LECT2: variants seen among roughly 807,000 people sequenced by gnomAD.
LECT2 encodes the protein leukocyte cell-derived chemotaxin-2.
In LECT2, 11 loss-of-function variants were observed where a neutral mutation model predicts 16.6. The ratio of observed to expected loss-of-function variants is 0.66; its 90% confidence interval spans 0.42 to 1.09. The LOEUF (loss-of-function observed/expected upper bound fraction) is 1.09, where lower values mean the gene tolerates loss of function less well. LECT2 is among the 50% of genes least tolerant of loss of function. The pLI is 0.00. For missense variants in LECT2, 173 were observed against 184.2 expected, an observed-to-expected ratio of 0.94 and a Z score of 0.35; for synonymous variants, 54 against 64.8, an observed-to-expected ratio of 0.83 and a Z score of 0.80.
chr5:135,954,296 C>T (rs1434363414), intron 1 of LECT2, among the ~76,000 whole-genome samples: 1 of 152,186 alleles, frequency 6.6e-6, no homozygotes, highest in Admixed American at 6.5e-5. Context: ...AAGATATAAT[C>T]CCATCACTTT....
At chr5:135,953,705 A>C (rs1056683984) in intron 1 of LECT2, among the ~76,000 whole-genome samples, 1 of 152,238 alleles carries the variant, frequency 6.6e-6, no homozygotes, top group Non-Finnish European at 1.5e-5. Flanking sequence ...TAGTTCCACT[A>C]ATCAAATCCA....
chr5:135,948,720 G>C (rs2126875508), intron 3 of LECT2, among the ~76,000 whole-genome samples: 1 of 150,466 alleles, frequency 6.6e-6, no homozygotes, highest in South Asian at 2.1e-4. Context: ...TGTCACCCAG[G>C]CTGGAGTGCA....
Position 135,954,776 on chromosome 5 carries a change from C to G in LECT2, c.46+12G>C. ...AGTTAATCAATATTCTAAAATTGCA[C>G]TTTCGACTTACCGGTAGAAATCAGA... On this transcript the variant is annotated intron_variant, in intron 1 of 3. Transcript: ENST00000274507. 1 of 1,606,612 alleles carries G rather than the reference C, an allele frequency of 6.2e-7. No individual in the cohort carries two copies.
rs538413153 is a variant in LECT2 at position 135,947,581 on chromosome 5, T to TA, written c.290-85dup. On this transcript the variant is annotated intron_variant, in intron 3 of 3. Coordinates refer to ENST00000274507, the MANE Select transcript of LECT2 (RefSeq NM_002302.3). ...AAAAAAATAACAAATGGACAAAAAA[T>TA]AAAAAAAAGAATGTTGAATGAACTC... 2.1e-3 allele frequency: 2,817 copies of TA among 1,334,870 alleles called. 4 individuals are homozygous for TA. The highest frequency in any genetic ancestry group is 2.3e-3 in the Non-Finnish European group (2,355 of 1,013,116). 82.7% of individuals were successfully genotyped at this position (1,334,870 alleles called of 1,614,324 possible).
At chr5:135,947,560 A>G (rs1763722779) in intron 3 of LECT2, 63 bp from the exon 4 acceptor site, 4 of 1,419,152 alleles carry the variant, frequency 2.8e-6, no homozygotes, top group African/African-American at 2.9e-5. Flanking sequence ...GAAATTAAAA[A>G]AATAACAAAT....
rs769780290 is a variant in LECT2, at chr5:135,947,500, A to G, written c.290-3T>C. On this transcript the variant is annotated splice_region_variant and splice_polypyrimidine_tract_variant and intron_variant, in intron 3 of 3. Transcript: ENST00000274507. ...GTAGAACATTTTGACACAAAAACCT[A>G]AAAGAAAATAAGTATAATTATTTAT... 5.6e-6 allele frequency: 9 copies of G among 1,596,276 alleles called. No homozygotes were observed. In the Admixed American group the frequency reaches 1.4e-4, roughly 24 times the overall value.
intron 3 of LECT2, 22 bp downstream of exon 3, chr5:135,951,201 G>C (rs1404934848): frequency 1.2e-6 from 2 of 1,613,024 alleles, no homozygotes; most frequent in African/African-American, 2.7e-5. Context: ...GGCACCCCAG[G>C]TGTAGACTCC....
At chr5:135,949,108 A>G (rs1763749350) in intron 3 of LECT2, among the ~76,000 whole-genome samples, 2 of 152,248 alleles carry the variant, frequency 1.3e-5, no homozygotes, top group Non-Finnish European at 2.9e-5. Context: ...TCTACACTGA[A>G]AACTACAACA....
rs537262259 is a variant in LECT2 at position 135,948,697 on chromosome 5, C to T, written c.290-1200G>A. Among the ~76,000 whole-genome samples, 87 of 138,322 alleles carry T rather than the reference C, an allele frequency of 6.3e-4. No individual in the cohort carries two copies. In the South Asian group the frequency reaches 0.01, roughly 16 times the overall value. 90.7% of individuals were successfully genotyped at this position (138,322 alleles called of 152,430 possible). A position where few individuals can be genotyped will look rare whatever the true frequency, so the allele number is the denominator to read the frequency against. ...AATTATTATTATTATTTTTTTGAGA[C>T]GGAGTCTTGCTGTGTCACCCAGGCT... On this transcript the variant is annotated intron_variant, in intron 3 of 3. Transcript: ENST00000274507.
chr5:135,951,653 G>T (rs1477601124), intron 2 of LECT2: 1 of 314,012 alleles, frequency 3.2e-6, no homozygotes, highest in Non-Finnish European at 5.8e-6. Flanking sequence ...GGCATGTTGG[G>T]GGAATGAGGC....
chr5:135,947,597 G>A, intron 3 of LECT2, 100 bp from the exon 4 acceptor site: 1 of 1,272,064 alleles, frequency 7.9e-7, no homozygotes, highest in Non-Finnish European at 1.0e-6. Context: ...AAAGAATGTT[G>A]AATGAACTCA....
In LECT2 at chr5:135,953,071, G is replaced by A. The variant is rs7726072; in HGVS notation, c.47-104C>T. 6,803 of 727,250 alleles carry A rather than the reference G, an allele frequency of 9.4e-3. 342 individuals carry two copies. The African/African-American group carries it at 0.11, about 11-fold the overall frequency. The allele number at this position is 727,250 out of a possible 1,614,324, so 45.0% of individuals were successfully genotyped here. A position where few individuals can be genotyped will look rare whatever the true frequency, so the allele number is the denominator to read the frequency against. On this transcript the variant is annotated intron_variant, in intron 1 of 3. Coordinates refer to ENST00000274507, the MANE Select transcript of LECT2 (RefSeq NM_002302.3). Reference sequence around the variant, plus strand: ...TGATCCTGACAATTCTGTTTTCACTGTAGTTTTCCCTGGACTTTATGTATT... The same window carrying A: ...TGATCCTGACAATTCTGTTTTCACTATAGTTTTCCCTGGACTTTATGTATT...
rs764484931 is a variant in LECT2, at chr5:135,951,245, A to T, written c.267T>A (p.Asn89Lys). The T allele has an allele frequency of 6.2e-7, 1 of 1,614,062 alleles. No individual in the cohort carries two copies. Among genetic ancestry groups the T allele is most frequent in the East Asian group, 2.2e-5 (1 of 44,904 alleles). The stretch of plus-strand genomic sequence containing the variant: ...TACCTCTTCCAGATATTCGAACACC[A>T]TTATTGATAGCATTCTTGTTTTGAT... ...KPYQNKNAIN[N>K]GVRISGRGFC... The change falls in exon 3 of 4, where the codon AAT becomes AAA. Residue 89 changes from asparagine (N) to lysine (K), a missense_variant. Asn to Lys is a moderately conservative substitution (Grantham distance 94). Transcript: ENST00000274507.
At chr5:135,948,894 C>T (rs1014969998) in intron 3 of LECT2, among the ~76,000 whole-genome samples, 6 of 152,072 alleles carry the variant, frequency 3.9e-5, no homozygotes, top group Non-Finnish European at 5.9e-5. Flanking sequence ...CCAGGATGGT[C>T]TCGATCTCCT....
At chr5:135,953,007 G>A (rs1191705168) in intron 1 of LECT2, 40 bp from the exon 2 acceptor site, 1 of 1,367,752 alleles carries the variant, frequency 7.3e-7, no homozygotes, top group East Asian at 2.3e-5. Flanking sequence ...CCTGGCCTCA[G>A]ACATTTCCTA....
rs1431682588 is a variant in LECT2, at chr5:135,947,119, A to T, written c.*212T>A. On this transcript the variant is annotated 3_prime_UTR_variant, in exon 4 of 4. Transcript: ENST00000274507. Reference sequence around the variant, plus strand: ...CAAATTTCCTTTTTTTAATTAAAAAATTTTTGTGGGTACATAGGTGTATTT... The same window carrying T: ...CAAATTTCCTTTTTTTAATTAAAAATTTTTTGTGGGTACATAGGTGTATTT... The T allele has an allele frequency of 1.6e-5, 6 of 373,944 alleles. No homozygotes were observed. In the Admixed American group the frequency reaches 1.8e-4, roughly 11 times the overall value. The allele number at this position is 373,944 out of a possible 1,614,324, so 23.2% of individuals were successfully genotyped here.
rs1478627690 is a variant in LECT2 at position 135,951,284 on chromosome 5, G to A, written c.228C>T (p.Gly76=). The change falls in exon 3 of 4, where the codon GGC becomes GGT. Residue 76 remains glycine, a synonymous_variant. Transcript: ENST00000274507. ...TCTTGTTTTGATAAGGTTTCTCCTG[G>A]CCCACAATCATTCCAGTGAATGGTG... ...VYAPFTGMIV[G]QEKPYQNKNA... is the part of the protein sequence containing the mutation. 5.0e-6 allele frequency: 8 copies of A among 1,613,986 alleles called. No individual in the cohort carries two copies. The highest frequency in any genetic ancestry group is 6.8e-6 in the Non-Finnish European group (8 of 1,179,890).
intron 3 of LECT2, 197 bp downstream of exon 3, chr5:135,951,026 G>A (rs1763785886): frequency 1.7e-6 from 1 of 592,376 alleles, no homozygotes; most frequent in Admixed American, 3.0e-5. Flanking sequence ...TAACAAATGT[G>A]CACATGTACC....
chr5:135,953,842 CA>C (rs557233585), intron 1 of LECT2, among the ~76,000 whole-genome samples: 343 of 152,210 alleles, frequency 2.3e-3, no homozygotes, highest in Non-Finnish European at 3.5e-3. Flanking sequence ...AATGTCAAAC[CA>C]ATTTAGCCTA....
Sources: gnomAD v4.1 joint callset for allele counts (sites outside exome capture counted in the v4.1 genomes callset) on GRCh38, gnomAD v4.1.1 for gene constraint, MANE v1.5 for transcripts, NCBI Gene and HGNC (gene_info 2026-07-23, HGNC 2026-07-21) for gene names.